ROBO2: variants seen among roughly 807,000 people sequenced by gnomAD.
ROBO2 encodes the protein roundabout guidance receptor 2, also known as roundabout homolog 2.
ROBO2 carries 53 observed loss-of-function variants against 160.8 expected under a neutral mutation model. The observed-to-expected ratio is 0.33, with a 90% confidence interval of 0.26 to 0.41. The LOEUF (loss-of-function observed/expected upper bound fraction) is 0.41, where lower values mean the gene tolerates loss of function less well. Among genes scored for constraint, ROBO2 ranks in the 10% least tolerant of loss-of-function variants. ROBO2 has a pLI of 1.00. For synonymous variants in ROBO2, 664 were observed against 611.7 expected, an observed-to-expected ratio of 1.09 and a Z score of -1.26; for missense variants, 1,577 against 1,722.4, an observed-to-expected ratio of 0.92 and a Z score of 1.49.
rs1394721767 is a variant in ROBO2, at chr3:76,398,337, A to C, written c.109+460735A>C. Among the ~76,000 whole-genome samples, 3 of 114,816 alleles carry C rather than the reference A, an allele frequency of 2.6e-5. No homozygotes were observed. The South Asian group carries it at 8.7e-4, about 33-fold the overall frequency. The allele number at this position is 114,816 out of a possible 152,430, so 75.3% of individuals were successfully genotyped here. A position where few individuals can be genotyped will look rare whatever the true frequency, so the allele number is the denominator to read the frequency against. ...CTGGGGACTGTTGTGGGGTGGGGGGAGGAGGGAGGGATAGCATTAGGAGAT... is the reference window on the plus strand; with the variant it reads ...CTGGGGACTGTTGTGGGGTGGGGGGCGGAGGGAGGGATAGCATTAGGAGAT... On this transcript the variant is annotated intron_variant, in intron 2 of 26. Transcript: ENST00000487694.
intron 2 of ROBO2, among the ~76,000 whole-genome samples, chr3:76,111,619 A>G (rs924172259): frequency 6.6e-6 from 1 of 152,036 alleles, no homozygotes; most frequent in Non-Finnish European, 1.5e-5. Context: ...ACTGTATAGT[A>G]GTTTTCATCA....
intron 2 of ROBO2, among the ~76,000 whole-genome samples, chr3:76,402,042 G>T (rs1328579549): frequency 6.6e-6 from 1 of 151,460 alleles, no homozygotes; most frequent in African/African-American, 2.4e-5. Context: ...ATAAGCCTTG[G>T]TGTCTCTGAA....
intron 2 of ROBO2, among the ~76,000 whole-genome samples, chr3:77,454,067 G>T (rs549960271): frequency 4.3e-4 from 64 of 149,796 alleles, no homozygotes; most frequent in Non-Finnish European, 8.6e-4. Context: ...AATAGAACTT[G>T]TATGTAGCCT....
chr3:76,115,538 T>G (rs1306330984), intron 2 of ROBO2, among the ~76,000 whole-genome samples: 1 of 152,076 alleles, frequency 6.6e-6, no homozygotes, highest in African/African-American at 2.4e-5. Flanking sequence ...TAAAACTAAT[T>G]TAAAAATAGA....
chr3:76,590,583 C>T (rs1427317854), intron 2 of ROBO2, among the ~76,000 whole-genome samples: 1 of 151,980 alleles, frequency 6.6e-6, no homozygotes, highest in East Asian at 1.9e-4. Context: ...GTTATGTAAC[C>T]AAAGGATATA....
At chr3:77,477,683 T>G in intron 3 of ROBO2, 112 bp downstream of exon 3, 1 of 1,106,176 alleles carries the variant, frequency 9.0e-7, no homozygotes. Context: ...TGAATGTTAA[T>G]TACAATTTAT....
intron 2 of ROBO2, among the ~76,000 whole-genome samples, chr3:77,280,669 T>C (rs115729920): frequency 0.01 from 1,549 of 152,302 alleles, 23 homozygotes; most frequent in African/African-American, 0.036. Context: ...CCCCTGCCAA[T>C]CCTATGACTT....
At chr3:76,448,134 A>T (rs1026141069) in intron 2 of ROBO2, among the ~76,000 whole-genome samples, 1 of 152,108 alleles carries the variant, frequency 6.6e-6, no homozygotes, top group Admixed American at 6.6e-5. Context: ...CCTTTATTTT[A>T]TAAAAATAAT....
At chr3:76,692,019 C>T (rs1023591360) in intron 2 of ROBO2, among the ~76,000 whole-genome samples, 1 of 152,010 alleles carries the variant, frequency 6.6e-6, no homozygotes, top group African/African-American at 2.4e-5. Context: ...CTCATTAAAC[C>T]TTGTCCCAGG....
chr3:76,575,857 G>A (rs926289736), intron 2 of ROBO2, among the ~76,000 whole-genome samples: 1 of 151,634 alleles, frequency 6.6e-6, no homozygotes, highest in Non-Finnish European at 1.5e-5. Context: ...TAGATTTGTG[G>A]AGAGAGAGAG....
At chr3:77,125,208 A>T (rs1173133234) in intron 2 of ROBO2, among the ~76,000 whole-genome samples, 2 of 152,162 alleles carry the variant, frequency 1.3e-5, no homozygotes, top group Non-Finnish European at 2.9e-5. Flanking sequence ...GAAAAACCAT[A>T]TTAACTATAA....
intron 2 of ROBO2, among the ~76,000 whole-genome samples, chr3:76,689,736 G>A (rs1053196264): frequency 6.6e-6 from 1 of 152,102 alleles, no homozygotes; most frequent in African/African-American, 2.4e-5. Flanking sequence ...TTCTGCATAG[G>A]CATTTCTCCT....
At chr3:77,010,939 T>C (rs1282503219) in intron 2 of ROBO2, among the ~76,000 whole-genome samples, 1 of 144,768 alleles carries the variant, frequency 6.9e-6, no homozygotes, top group African/African-American at 2.5e-5. Flanking sequence ...CTTTCTTCTC[T>C]TTCCTTCCTT....
At chr3:77,645,147 G>T (rs1351742705) in intron 25 of ROBO2, among the ~76,000 whole-genome samples, 1 of 152,108 alleles carries the variant, frequency 6.6e-6, no homozygotes, top group Non-Finnish European at 1.5e-5. Context: ...TTTAAGTTAG[G>T]CAAGTAGTCT....
At chr3:77,549,236 G>A (rs1366431214) in intron 7 of ROBO2, among the ~76,000 whole-genome samples, 1 of 151,960 alleles carries the variant, frequency 6.6e-6, no homozygotes, top group Non-Finnish European at 1.5e-5. Context: ...CATTGTAGAG[G>A]AAGCCATCCC....
intron 2 of ROBO2, among the ~76,000 whole-genome samples, chr3:77,233,606 G>A (rs1477938564): frequency 4.6e-5 from 7 of 152,048 alleles, no homozygotes; most frequent in Non-Finnish European, 2.9e-5. Context: ...TATAATACTA[G>A]TATAATACTT....
chr3:77,425,397 T>C (rs2078095952), intron 2 of ROBO2, among the ~76,000 whole-genome samples: 1 of 152,146 alleles, frequency 6.6e-6, no homozygotes, highest in South Asian at 2.1e-4. Context: ...TAGCTTGAGA[T>C]GGTGTCCTCT....
chr3:76,948,465 C>A (rs1299332485), intron 2 of ROBO2, among the ~76,000 whole-genome samples: 3 of 151,188 alleles, frequency 2.0e-5, no homozygotes, highest in African/African-American at 7.3e-5. Flanking sequence ...CACTCATTGT[C>A]TTTCTGTGCT....
intron 1 of ROBO2, among the ~76,000 whole-genome samples, chr3:75,913,121 C>T (rs1946668376): frequency 6.6e-6 from 1 of 152,156 alleles, no homozygotes. Flanking sequence ...CTGGTGGCAC[C>T]TGTATTCATT....
Sources: gnomAD v4.1 joint callset for allele counts (sites outside exome capture counted in the v4.1 genomes callset) on GRCh38, gnomAD v4.1.1 for gene constraint, MANE v1.5 for transcripts, NCBI Gene and HGNC (gene_info 2026-07-23, HGNC 2026-07-21) for gene names.